RALGAPA2: variants seen among roughly 807,000 people sequenced by gnomAD.
The protein encoded by RALGAPA2 is Ral GTPase activating protein catalytic subunit alpha 2, also known as ral GTPase-activating protein subunit alpha-2.
RALGAPA2 carries 139 observed loss-of-function variants against 230.4 expected under a neutral mutation model. The ratio of observed to expected loss-of-function variants is 0.60; its 90% CI spans 0.53 to 0.69. RALGAPA2 has a LOEUF of 0.69. Among genes scored for constraint, RALGAPA2 ranks in the 30% least tolerant of loss-of-function variants. The pLI is 0.00. For synonymous variants in RALGAPA2, 847 were observed against 837.8 expected, an observed-to-expected ratio of 1.01 and a Z score of -0.19; for missense variants, 2,163 against 2,276.0, an observed-to-expected ratio of 0.95 and a Z score of 1.01.
rs2062486910 is a variant in RALGAPA2, at chr20:20,504,895, T to A, written c.5052+516A>T. The stretch of plus-strand genomic sequence containing the variant: ...ATGTATATATGTCTGTATGTCAGAG[T>A]ACCATTTAATAAAGAAAAAATAAAC... On this transcript the variant is annotated intron_variant, in intron 34 of 39. Transcript: ENST00000202677. 8.5e-6 allele frequency: 6 copies of A among 705,988 alleles called. No homozygotes were observed. The South Asian group carries it at 3.2e-4, about 38-fold the overall frequency. 43.7% of individuals were successfully genotyped at this position (705,988 alleles called of 1,614,324 possible). A position where few individuals can be genotyped will look rare whatever the true frequency, so the allele number is the denominator to read the frequency against.
At chr20:20,574,230 G>T (rs1399104327) in intron 20 of RALGAPA2, among the ~76,000 whole-genome samples, 1 of 152,166 alleles carries the variant, frequency 6.6e-6, no homozygotes, top group Non-Finnish European at 1.5e-5. Flanking sequence ...TATGTGACTC[G>T]AACTTGAAGA....
intron 35 of RALGAPA2, among the ~76,000 whole-genome samples, chr20:20,498,788 G>A (rs2123644781): frequency 6.6e-6 from 1 of 152,212 alleles, no homozygotes; most frequent in South Asian, 2.1e-4. Flanking sequence ...TTTTTTATGT[G>A]GCTGGCCAGC....
chr20:20,640,885 CAAAATT>C lies in RALGAPA2; in HGVS notation c.373-13_373-8del. 1.9e-6 allele frequency: 3 copies of C among 1,597,436 alleles called. No homozygotes were observed. The highest frequency in any genetic ancestry group is 2.6e-6 in the Non-Finnish European group (3 of 1,167,944). ...TGATTCCTTCACATCTTATCTAAAA[CAAAATT>C]AAAAACAATGAAAATGAAACACATG... On this transcript the variant is annotated splice_polypyrimidine_tract_variant and splice_region_variant and intron_variant, in intron 5 of 39. Coordinates refer to ENST00000202677, the MANE Select transcript of RALGAPA2 (RefSeq NM_020343.4).
chr20:20,634,185 G>T (rs2066778660), intron 9 of RALGAPA2, among the ~76,000 whole-genome samples: 1 of 148,284 alleles, frequency 6.7e-6, no homozygotes, highest in African/African-American at 2.5e-5. Flanking sequence ...CTTATTATTT[G>T]TTCAATTATT....
chr20:20,472,735 A>T, intron 37 of RALGAPA2, 94 bp downstream of exon 37: 1 of 1,373,886 alleles, frequency 7.3e-7, no homozygotes, highest in Non-Finnish European at 9.6e-7. Flanking sequence ...TTCCCTCTTC[A>T]ATTCAGTTTT....
chr20:20,474,887 T>G (rs1167855817), intron 36 of RALGAPA2, among the ~76,000 whole-genome samples: 1 of 152,122 alleles, frequency 6.6e-6, no homozygotes, highest in Non-Finnish European at 1.5e-5. Flanking sequence ...TTTCTAGCCA[T>G]GAGATCACAT....
rs1370874734 is a variant in RALGAPA2, at chr20:20,392,204, AC to A, written c.*1084del. On this transcript the variant is annotated 3_prime_UTR_variant, in exon 40 of 40. Transcript: ENST00000202677. ...TTTTTAAGAAAAAAAAACAACAACA[AC>A]AAAAAAACAGGTCTAATAAGCCTTC... 6.2e-4 allele frequency: 94 copies of A among 152,380 alleles called. No individual in the cohort carries two copies. The highest frequency in any genetic ancestry group is 2.2e-3 in the African/African-American group (93 of 41,586). The allele number at this position is 152,380 out of a possible 1,614,324, so 9.4% of individuals were successfully genotyped here.
intron 1 of RALGAPA2, among the ~76,000 whole-genome samples, chr20:20,706,229 T>C (rs2069597894): frequency 6.6e-6 from 1 of 152,226 alleles, no homozygotes; most frequent in Non-Finnish European, 1.5e-5. Flanking sequence ...TGTTCACTTT[T>C]CTCACATCAG....
chr20:20,508,231 T>G (rs115691195), intron 33 of RALGAPA2, among the ~76,000 whole-genome samples: 7 of 152,202 alleles, frequency 4.6e-5, no homozygotes, highest in Non-Finnish European at 1.0e-4. Flanking sequence ...GCAGAAGCTG[T>G]GTCTGGCCTT....
In RALGAPA2 at chr20:20,547,453, C is replaced by G. The variant is rs141091967; in HGVS notation, c.3157-621G>C. 9.1e-4 allele frequency among the ~76,000 whole-genome samples: 138 copies of G among 152,352 alleles called. No homozygotes were observed. In the Middle Eastern group the frequency reaches 0.01, roughly 11 times the overall value. On this transcript the variant is annotated intron_variant, in intron 23 of 39. Coordinates refer to ENST00000202677, the MANE Select transcript of RALGAPA2 (RefSeq NM_020343.4). ...CAGAGTGCAGTGTGAAGAGCATCAT[C>G]TGCCCCAGACATCTTGTGTTCCTGT...
intron 20 of RALGAPA2, among the ~76,000 whole-genome samples, chr20:20,576,102 T>G (rs893492493): frequency 6.6e-6 from 1 of 152,126 alleles, no homozygotes; most frequent in African/African-American, 2.4e-5. Context: ...CTTTTTAAAA[T>G]AAAATTTATT....
chr20:20,573,062 C>T lies in RALGAPA2; in HGVS notation c.2714G>A (p.Ser905Asn). Residue 905 changes from serine to asparagine, a missense_variant, in exon 21 of 40, where the codon AGC becomes AAC. Transcript: ENST00000202677. The stretch of plus-strand genomic sequence containing the variant: ...ACTACAGTCATCTGTGAGGCACTCG[C>T]TGCTATCTATGCAGAAAAACATGTC... ...PTDASNLTDS[S>N]ECLTDDCSII... is the part of the protein sequence containing the mutation. 6.2e-7 allele frequency: 1 copy of T among 1,602,528 alleles called. No homozygotes were observed. The highest frequency in any genetic ancestry group is 8.5e-7 in the Non-Finnish European group (1 of 1,173,986).
intron 37 of RALGAPA2, among the ~76,000 whole-genome samples, chr20:20,452,560 G>GACATTGT (rs2061011556): frequency 1.3e-5 from 2 of 152,232 alleles, no homozygotes; most frequent in African/African-American, 4.8e-5. Flanking sequence ...GAACACATCC[G>GACATTGT]ACATTGTACG....
In RALGAPA2 at chr20:20,629,514, T is replaced by C. The variant is rs2066602061; in HGVS notation, c.1082A>G (p.His361Arg). 3.1e-6 allele frequency: 5 copies of C among 1,613,852 alleles called. No individual in the cohort carries two copies. The highest frequency in any genetic ancestry group is 1.3e-5 in the African/African-American group (1 of 74,898). The stretch of plus-strand genomic sequence containing the variant: ...GTCCGACAAGGTGCTGCTGTTAGAA[T>C]GGCTTTTGTCCTGCTCCGTGGGCCC... Reference protein sequence around the residue: ...GGGPTEQDKSHSNSSTLSDRR... With the variant: ...GGGPTEQDKSRSNSSTLSDRR... The change falls in exon 10 of 40, where the codon CAT becomes CGT. Residue 361 changes from histidine to arginine, a missense_variant. By Grantham distance (29) the His-to-Arg change is conservative (BLOSUM62 0). Transcript: ENST00000202677.
chr20:20,695,982 T>G (rs1025966402), intron 1 of RALGAPA2, among the ~76,000 whole-genome samples: 2 of 152,146 alleles, frequency 1.3e-5, no homozygotes, highest in South Asian at 2.1e-4. Context: ...ATTTTTTTTT[T>G]GTCAGCATCA....
chr20:20,448,873 G>GAAA (rs199891651), intron 37 of RALGAPA2, among the ~76,000 whole-genome samples: 7 of 124,556 alleles, frequency 5.6e-5, no homozygotes, highest in African/African-American at 2.1e-4. Flanking sequence ...AATGTATATT[G>GAAA]AAAAAAAAAA....
At chr20:20,531,302 C>T (rs2063359848) in intron 27 of RALGAPA2, among the ~76,000 whole-genome samples, 1 of 152,200 alleles carries the variant, frequency 6.6e-6, no homozygotes. Context: ...AAGATTCAGC[C>T]AGATGGTGAA....
intron 9 of RALGAPA2, among the ~76,000 whole-genome samples, chr20:20,632,796 T>TC (rs746990404): frequency 9.9e-5 from 15 of 152,184 alleles, no homozygotes; most frequent in Non-Finnish European, 1.8e-4. Context: ...CCCTTTCATC[T>TC]CCTTAGTCTA....
intron 6 of RALGAPA2, 62 bp from the exon 7 acceptor site, chr20:20,639,962 G>A (rs996250970): frequency 9.2e-6 from 12 of 1,307,246 alleles, no homozygotes; most frequent in Non-Finnish European, 1.2e-5. Context: ...CAGAATTTAG[G>A]GTTTTAAAAA....
Sources: allele counts gnomAD v4.1 joint callset (sites outside exome capture counted in the v4.1 genomes callset), GRCh38; gene constraint gnomAD v4.1.1; transcripts MANE v1.5; gene names NCBI Gene and HGNC (gene_info 2026-07-23, HGNC 2026-07-21).